The following CPPED1 variants were observed in gnomAD, a reference collection of about 807,000 sequenced individuals.
CPPED1 encodes the protein calcineurin like phosphoesterase domain containing 1.
CPPED1 carries 28 observed loss-of-function variants against 28.0 expected under a neutral mutation model. That is an observed-to-expected ratio of 1.00 (90% CI 0.74 to 1.37). The LOEUF (loss-of-function observed/expected upper bound fraction) is 1.37, where lower values mean the gene tolerates loss of function less well. Among genes scored for constraint, CPPED1 ranks in the 40% most tolerant of loss-of-function variants. The probability of loss-of-function intolerance (pLI) is 0.00; values close to 1 mark genes in which losing one functional copy is unlikely to be tolerated. For synonymous variants in CPPED1, 198 were observed against 180.2 expected (o/e 1.10, Z -0.79); for missense variants, 504 against 416.5 (o/e 1.21, Z -1.83).
intron 2 of CPPED1, among the ~76,000 whole-genome samples, chr16:12,727,384 G>A (rs1447798253): frequency 1.3e-5 from 2 of 152,066 alleles, no homozygotes; most frequent in African/African-American, 4.8e-5. Context: ...ATACAATCTT[G>A]CTCTGCTGCC....
At chr16:12,790,932 A>C (rs1001659282) in intron 1 of CPPED1, among the ~76,000 whole-genome samples, 1 of 151,590 alleles carries the variant, frequency 6.6e-6, no homozygotes, top group Non-Finnish European at 1.5e-5. Context: ...AAAAAAAAAA[A>C]AAAAAAAAGA....
intron 3 of CPPED1, among the ~76,000 whole-genome samples, chr16:12,665,595 C>T (rs1173867974): frequency 6.6e-6 from 1 of 151,876 alleles, no homozygotes; most frequent in Non-Finnish European, 1.5e-5. Flanking sequence ...AGTTCGAGAC[C>T]AGCCTGGCCA....
rs548521800 is a variant in CPPED1 at position 12,730,175 on chromosome 16, A to T, written c.290-25126T>A. 3.4e-3 allele frequency among the ~76,000 whole-genome samples: 523 copies of T among 152,068 alleles called. 4 individuals are homozygous for T. Among genetic ancestry groups the T allele is most frequent in the African/African-American group, 0.012 (488 of 41,494 alleles). On this transcript the variant is annotated intron_variant, in intron 2 of 3. Coordinates refer to ENST00000381774, the MANE Select transcript of CPPED1 (RefSeq NM_018340.3). ...CCACGGCCAGCTAATTTTTTTTAAAATTTTTTTGGAGAGAAAGGGTCTTCC... is the reference window on the plus strand; with the variant it reads ...CCACGGCCAGCTAATTTTTTTTAAATTTTTTTTGGAGAGAAAGGGTCTTCC...
At chr16:12,714,251 C>T (rs547479571) in intron 2 of CPPED1, among the ~76,000 whole-genome samples, 10 of 152,312 alleles carry the variant, frequency 6.6e-5, no homozygotes, top group African/African-American at 2.4e-4. Flanking sequence ...AATCCACGTG[C>T]AAGTTTTTCA....
At chr16:12,698,804 T>C (rs1243461462) in intron 3 of CPPED1, among the ~76,000 whole-genome samples, 1 of 152,208 alleles carries the variant, frequency 6.6e-6, no homozygotes, top group Non-Finnish European at 1.5e-5. Context: ...TAAAAAAGCA[T>C]AAATACTAGA....
At chr16:12,785,125 T>G (rs1000750767) in intron 1 of CPPED1, among the ~76,000 whole-genome samples, 1 of 152,238 alleles carries the variant, frequency 6.6e-6, no homozygotes, top group African/African-American at 2.4e-5. Flanking sequence ...TTTCTTTTTA[T>G]CAAGACTGAA....
intron 2 of CPPED1, among the ~76,000 whole-genome samples, chr16:12,727,309 G>A (rs1021458725): frequency 6.6e-6 from 1 of 152,186 alleles, no homozygotes; most frequent in African/African-American, 2.4e-5. Flanking sequence ...AGGTTATCAA[G>A]GAGGTCCCTA....
intron 2 of CPPED1, among the ~76,000 whole-genome samples, chr16:12,771,711 T>A (rs962684495): frequency 6.6e-6 from 1 of 152,254 alleles, no homozygotes; most frequent in Admixed American, 6.5e-5. Context: ...CCTTCCTGGA[T>A]TGTGGAACCA....
intron 1 of CPPED1, among the ~76,000 whole-genome samples, chr16:12,785,683 C>T (rs1334394418): frequency 6.6e-6 from 1 of 152,050 alleles, no homozygotes; most frequent in Non-Finnish European, 1.5e-5. Context: ...CCGCCTTGGC[C>T]TTGGACTCCC....
chr16:12,755,542 C>T (rs1232974426), intron 2 of CPPED1, among the ~76,000 whole-genome samples: 2 of 151,974 alleles, frequency 1.3e-5, no homozygotes, highest in East Asian at 3.9e-4. Flanking sequence ...CTCAGCCTCT[C>T]AACATGCTAG....
At chr16:12,698,503 C>T (rs2080003912) in intron 3 of CPPED1, among the ~76,000 whole-genome samples, 1 of 152,140 alleles carries the variant, frequency 6.6e-6, no homozygotes, top group Admixed American at 6.5e-5. Flanking sequence ...GTAATCTTGG[C>T]TCACCGCAAC....
intron 3 of CPPED1, among the ~76,000 whole-genome samples, chr16:12,673,660 A>C (rs1040254284): frequency 1.3e-5 from 2 of 152,170 alleles, no homozygotes; most frequent in Admixed American, 6.5e-5. Flanking sequence ...TCTGCCCCTC[A>C]GGGCTCACCA....
In CPPED1 at chr16:12,682,471, G is replaced by A. The variant is rs926891934; in HGVS notation, c.716-17356C>T. Among the ~76,000 whole-genome samples, 15 of 152,150 alleles carry A rather than the reference G, an allele frequency of 9.9e-5. No homozygotes were observed. The highest frequency in any genetic ancestry group is 1.3e-4 in the Non-Finnish European group (9 of 68,030). On this transcript the variant is annotated intron_variant, in intron 3 of 3. Coordinates refer to ENST00000381774, the MANE Select transcript of CPPED1 (RefSeq NM_018340.3). The surrounding 1 kb of genome is among the most constrained non-coding windows in gnomAD (Gnocchi z 6.1). Reference sequence around the variant, plus strand: ...TTTTAATACTAATATTTGGTTGTCAGAAAAGCAGTGGCAGCCTGGGGTGGG... The same window carrying A: ...TTTTAATACTAATATTTGGTTGTCAAAAAAGCAGTGGCAGCCTGGGGTGGG...
chr16:12,793,494 A>G (rs571245508), intron 1 of CPPED1, among the ~76,000 whole-genome samples: 1 of 152,238 alleles, frequency 6.6e-6, no homozygotes, highest in African/African-American at 2.4e-5. Flanking sequence ...TCTACCCTTT[A>G]CCAGCTACGT....
chr16:12,689,327 A>G (rs1327651746), intron 3 of CPPED1, among the ~76,000 whole-genome samples: 1 of 149,652 alleles, frequency 6.7e-6, no homozygotes, highest in East Asian at 2.0e-4. Flanking sequence ...TATGGGCTCA[A>G]GAGATCCTCC....
intron 3 of CPPED1, among the ~76,000 whole-genome samples, chr16:12,704,140 G>A (rs1488241281): frequency 1.3e-5 from 2 of 152,144 alleles, no homozygotes; most frequent in Non-Finnish European, 2.9e-5. Flanking sequence ...CTTAAAGATC[G>A]TCTGCCCTTG....
intron 1 of CPPED1, among the ~76,000 whole-genome samples, chr16:12,787,872 G>A (rs924295742): frequency 2.0e-5 from 3 of 152,164 alleles, no homozygotes; most frequent in Admixed American, 2.0e-4. Context: ...CTGGTCCTCT[G>A]CAAGGTCTCT....
chr16:12,691,091 CA>C (rs2079960415), intron 3 of CPPED1, among the ~76,000 whole-genome samples: 1 of 152,226 alleles, frequency 6.6e-6, no homozygotes, highest in Admixed American at 6.5e-5. Context: ...ACACAGGACC[CA>C]GGGCCACTGC....
chr16:12,727,819 G>A (rs912100864), intron 2 of CPPED1, among the ~76,000 whole-genome samples: 1 of 152,142 alleles, frequency 6.6e-6, no homozygotes, highest in African/African-American at 2.4e-5. Context: ...GCAGCCAGTA[G>A]TATTAAAAAG....
Sources: gnomAD v4.1 joint callset for allele counts (sites outside exome capture counted in the v4.1 genomes callset) on GRCh38, gnomAD v4.1.1 for gene constraint, Gnocchi (gnomAD v3.1) non-coding constraint, MANE v1.5 for transcripts, NCBI Gene and HGNC (gene_info 2026-07-23, HGNC 2026-07-21) for gene names.